The following LDB2 variants were observed in gnomAD, a reference collection of about 807,000 sequenced individuals.
LDB2 encodes LIM domain binding 2, also known as LIM domain-binding protein 2.
LDB2 carries 12 observed loss-of-function variants against 44.3 expected under a neutral mutation model. That is an observed-to-expected ratio of 0.27 (90% CI 0.17 to 0.44). LDB2 has a LOEUF of 0.44. Among genes scored for constraint, LDB2 ranks in the 20% least tolerant of loss-of-function variants. The probability of loss-of-function intolerance (pLI) is 1.00; values close to 1 mark genes in which losing one functional copy is unlikely to be tolerated. For missense variants in LDB2, 344 were observed against 473.5 expected, an observed-to-expected ratio of 0.73 and a Z score of 2.54; for synonymous variants, 164 against 174.8, an observed-to-expected ratio of 0.94 and a Z score of 0.49.
Position 16,575,823 on chromosome 4 carries a change from C to T in LDB2, c.615+10099G>A, listed in dbSNP as rs978285537. Among the ~76,000 whole-genome samples the T allele has an allele frequency of 2.6e-4, 39 of 152,332 alleles. No homozygotes were observed. In the South Asian group the frequency reaches 4.6e-3, roughly 18 times the overall value. On this transcript the variant is annotated intron_variant, in intron 5 of 7. Coordinates refer to ENST00000304523, the MANE Select transcript of LDB2 (RefSeq NM_001290.5). ...CACAATCTCAGCTCACTGCAACCTC[C>T]GCCTCCTGGGTTCAAGCAATTCTCT...
At position 16,819,596 on chromosome 4, in the gene LDB2, T is replaced by C. The variant is rs527833312; in HGVS notation, c.133-60336A>G. Among the ~76,000 whole-genome samples, 28 of 151,972 alleles carry C rather than the reference T, an allele frequency of 1.8e-4. No individual in the cohort carries two copies. The East Asian group carries it at 5.4e-3, about 29-fold the overall frequency. On this transcript the variant is annotated intron_variant, in intron 1 of 7. Coordinates refer to ENST00000304523, the MANE Select transcript of LDB2 (RefSeq NM_001290.5). ...CTCTAAAAAGCATTAGAACCATCCT[T>C]CCAATTTGAGATGTAACACAATTCA...
At chr4:16,521,956 C>G (rs1726268329) in intron 5 of LDB2, among the ~76,000 whole-genome samples, 2 of 152,064 alleles carry the variant, frequency 1.3e-5, no homozygotes, top group Non-Finnish European at 2.9e-5. Flanking sequence ...GCTAGGTATG[C>G]AAATTCAGCT....
At chr4:16,732,875 T>G (rs1761049671) in intron 2 of LDB2, among the ~76,000 whole-genome samples, 1 of 152,114 alleles carries the variant, frequency 6.6e-6, no homozygotes, top group Non-Finnish European at 1.5e-5. Context: ...GAAAACCAAA[T>G]TATGCAAATC....
At chr4:16,503,198 G>A (rs1717997677) in intron 7 of LDB2, 3 of 1,505,270 alleles carry the variant, frequency 2.0e-6, no homozygotes, top group South Asian at 1.2e-5. Flanking sequence ...GCCGACATTG[G>A]GGACTTTTGA....
At chr4:16,773,212 G>A (rs531781679) in intron 1 of LDB2, among the ~76,000 whole-genome samples, 1 of 152,314 alleles carries the variant, frequency 6.6e-6, no homozygotes, top group Non-Finnish European at 1.5e-5. Context: ...TAAGCCGTCA[G>A]TCCCCAACCT....
At chr4:16,817,836 A>G (rs1282868875) in intron 1 of LDB2, among the ~76,000 whole-genome samples, 1 of 152,184 alleles carries the variant, frequency 6.6e-6, no homozygotes, top group Non-Finnish European at 1.5e-5. Flanking sequence ...AATTTGTATC[A>G]TGCTGCCTCT....
intron 1 of LDB2, among the ~76,000 whole-genome samples, chr4:16,811,885 G>C (rs763073168): frequency 3.3e-5 from 5 of 152,148 alleles, no homozygotes; most frequent in Non-Finnish European, 5.9e-5. Context: ...CTATTATATT[G>C]TTCTGGTTAA....
At chr4:16,662,251 T>C (rs564459381) in intron 2 of LDB2, among the ~76,000 whole-genome samples, 21 of 152,266 alleles carry the variant, frequency 1.4e-4, no homozygotes, top group African/African-American at 3.6e-4. Flanking sequence ...TACCTTGCCC[T>C]GGGAATTGGT....
intron 7 of LDB2, 76 bp downstream of exon 7, chr4:16,508,459 A>G: frequency 1.6e-6 from 2 of 1,276,522 alleles, no homozygotes; most frequent in Non-Finnish European, 2.1e-6. Context: ...TCTAATGAAA[A>G]GAGACTTTAA....
chr4:16,511,342 AC>A (rs112519528), intron 6 of LDB2, among the ~76,000 whole-genome samples: 2,559 of 152,250 alleles, frequency 0.017, 69 homozygotes, highest in African/African-American at 0.056. Context: ...TGATTTCAGA[AC>A]CCCAGCAGGA....
At chr4:16,569,072 C>T (rs1307416621) in intron 5 of LDB2, among the ~76,000 whole-genome samples, 1 of 152,188 alleles carries the variant, frequency 6.6e-6, no homozygotes, top group East Asian at 1.9e-4. Flanking sequence ...TGTTTTTCTA[C>T]TGAAGGTTTC....
chr4:16,738,651 C>G (rs1762367466), intron 2 of LDB2, among the ~76,000 whole-genome samples: 1 of 152,160 alleles, frequency 6.6e-6, no homozygotes, highest in Non-Finnish European at 1.5e-5. Flanking sequence ...ACTCTTAAGG[C>G]TACCAGAGGC....
chr4:16,606,657 T>C (rs1724020312), intron 2 of LDB2, among the ~76,000 whole-genome samples: 1 of 152,234 alleles, frequency 6.6e-6, no homozygotes, highest in South Asian at 2.1e-4. Flanking sequence ...ACATTTGACC[T>C]TTTCAGATGG....
chr4:16,676,894 G>A (rs1746481399), intron 2 of LDB2, among the ~76,000 whole-genome samples: 1 of 152,188 alleles, frequency 6.6e-6, no homozygotes, highest in African/African-American at 2.4e-5. Context: ...GGGAGAGTAG[G>A]GCAAAGGGCA....
At chr4:16,746,264 G>A (rs188469961) in intron 2 of LDB2, among the ~76,000 whole-genome samples, 2 of 152,244 alleles carry the variant, frequency 1.3e-5, no homozygotes, top group East Asian at 3.9e-4. Context: ...AACTAATCCA[G>A]TAAGTCATTA....
At chr4:16,598,210 C>T (rs760631195) in intron 2 of LDB2, among the ~76,000 whole-genome samples, 103 of 152,220 alleles carry the variant, frequency 6.8e-4, no homozygotes, top group Non-Finnish European at 1.2e-3. Context: ...GCATGACTAT[C>T]CTTGTATCAG....
intron 2 of LDB2, among the ~76,000 whole-genome samples, chr4:16,697,852 T>G (rs903306873): frequency 1.4e-4 from 22 of 152,180 alleles, no homozygotes; most frequent in African/African-American, 5.1e-4. Context: ...TAAGTCAGAT[T>G]GATTTACGTA....
At chr4:16,654,210 C>A (rs1347598100) in intron 2 of LDB2, among the ~76,000 whole-genome samples, 2 of 152,160 alleles carry the variant, frequency 1.3e-5, no homozygotes, top group African/African-American at 4.8e-5. Context: ...AACAGTCACC[C>A]AGGAACTTCC....
At chr4:16,805,786 G>A (rs1468849648) in intron 1 of LDB2, among the ~76,000 whole-genome samples, 4 of 152,216 alleles carry the variant, frequency 2.6e-5, no homozygotes, top group African/African-American at 4.8e-5. Flanking sequence ...GAGAGAAAAG[G>A]CAGGTGGAGC....
Sources: allele counts gnomAD v4.1 joint callset (sites outside exome capture counted in the v4.1 genomes callset), GRCh38; gene constraint gnomAD v4.1.1; transcripts MANE v1.5; gene names NCBI Gene and HGNC (gene_info 2026-07-23, HGNC 2026-07-21).